TMEFF1: variants seen among roughly 807,000 people sequenced by gnomAD.
TMEFF1 encodes tomoregulin-1.
In TMEFF1, 20 loss-of-function variants were observed where a neutral mutation model predicts 47.5. The ratio of observed to expected loss-of-function variants is 0.42; its 90% CI spans 0.30 to 0.61. The LOEUF (loss-of-function observed/expected upper bound fraction) is 0.61. Ranked by LOEUF, TMEFF1 falls within the 20% of genes least tolerant of loss-of-function variation. The probability of loss-of-function intolerance (pLI) is 0.19; values close to 1 mark genes in which losing one functional copy is unlikely to be tolerated. For missense variants in TMEFF1, 411 were observed against 471.1 expected, an observed-to-expected ratio of 0.87 and a Z score of 1.18; for synonymous variants, 162 against 166.3, an observed-to-expected ratio of 0.97 and a Z score of 0.20.
At chr9:100,524,415 T>G (rs1838219063) in intron 5 of TMEFF1, among the ~76,000 whole-genome samples, 1 of 152,200 alleles carries the variant, frequency 6.6e-6, no homozygotes, top group Non-Finnish European at 1.5e-5. Flanking sequence ...GAAGACACTT[T>G]GAACAGCCTC....
At chr9:100,545,386 C>T (rs1838714000) in intron 5 of TMEFF1, among the ~76,000 whole-genome samples, 1 of 152,164 alleles carries the variant, frequency 6.6e-6, no homozygotes. Flanking sequence ...GGGCTTGTAC[C>T]CTCTGAAGCC....
At chr9:100,512,357 G>A (rs1837983940) in intron 3 of TMEFF1, among the ~76,000 whole-genome samples, 1 of 152,124 alleles carries the variant, frequency 6.6e-6, no homozygotes, top group African/African-American at 2.4e-5. Flanking sequence ...TCCTGTTTCT[G>A]TGGTATCTGG....
chr9:100,525,467 A>G (rs1218980687), intron 5 of TMEFF1, among the ~76,000 whole-genome samples: 1 of 152,036 alleles, frequency 6.6e-6, no homozygotes, highest in African/African-American at 2.4e-5. Context: ...AGAAGTACAT[A>G]AAGCAAGGTC....
At chr9:100,518,523 G>A in intron 5 of TMEFF1, 1 of 985,256 alleles carries the variant, frequency 1.0e-6, no homozygotes, top group Non-Finnish European at 1.2e-6. Flanking sequence ...CACATAGACA[G>A]TGACAAGCAG....
intron 5 of TMEFF1, among the ~76,000 whole-genome samples, chr9:100,535,566 T>C (rs1838487031): frequency 6.6e-6 from 1 of 151,986 alleles, no homozygotes; most frequent in South Asian, 2.1e-4. Context: ...GGGTCAGGAG[T>C]TGGAGACCAG....
At chr9:100,487,049 A>G (rs1438746381) in intron 1 of TMEFF1, among the ~76,000 whole-genome samples, 2 of 152,162 alleles carry the variant, frequency 1.3e-5, no homozygotes, top group Non-Finnish European at 1.5e-5. Context: ...CAGTTGATAT[A>G]TTTAGATTCT....
intron 1 of TMEFF1, among the ~76,000 whole-genome samples, chr9:100,479,416 A>G (rs1384989793): frequency 6.6e-6 from 1 of 152,234 alleles, no homozygotes; most frequent in Non-Finnish European, 1.5e-5. Context: ...AAAGGGGTAC[A>G]GTTAAGTGGA....
chr9:100,557,677 T>C (rs1011803772), intron 7 of TMEFF1, among the ~76,000 whole-genome samples: 10 of 152,156 alleles, frequency 6.6e-5, no homozygotes, highest in Non-Finnish European at 1.5e-4. Flanking sequence ...CAATTTGAAC[T>C]TCCATAGCAC....
At chr9:100,490,815 G>T (rs1251428855) in intron 1 of TMEFF1, among the ~76,000 whole-genome samples, 1 of 146,768 alleles carries the variant, frequency 6.8e-6, no homozygotes, top group African/African-American at 2.5e-5. Flanking sequence ...TTTATTCCTG[G>T]CTGGATTATC....
chr9:100,538,198 G>A (rs761322239), intron 5 of TMEFF1, among the ~76,000 whole-genome samples: 1 of 152,094 alleles, frequency 6.6e-6, no homozygotes, highest in Non-Finnish European at 1.5e-5. Context: ...GACTACAGGT[G>A]CCTGCCACCA....
At chr9:100,517,436 G>C (rs143981550) in intron 5 of TMEFF1, among the ~76,000 whole-genome samples, 2 of 152,182 alleles carry the variant, frequency 1.3e-5, no homozygotes, top group East Asian at 1.9e-4. Flanking sequence ...TTTTTGGTGT[G>C]TATTTTCCAG....
At chr9:100,533,837 G>C (rs1216989031) in intron 5 of TMEFF1, among the ~76,000 whole-genome samples, 2 of 152,086 alleles carry the variant, frequency 1.3e-5, no homozygotes, top group African/African-American at 4.8e-5. Context: ...TCCTGCCTCA[G>C]CCTCCCGAGT....
At chr9:100,497,147 A>G (rs1837664412) in intron 1 of TMEFF1, among the ~76,000 whole-genome samples, 1 of 152,092 alleles carries the variant, frequency 6.6e-6, no homozygotes, top group Non-Finnish European at 1.5e-5. Flanking sequence ...CAAGGGGGAA[A>G]GGGAAGAGAC....
intron 5 of TMEFF1, among the ~76,000 whole-genome samples, chr9:100,539,928 C>G (rs1838596423): frequency 6.6e-6 from 1 of 152,198 alleles, no homozygotes. Context: ...TTTAGCTAGA[C>G]ACAAAAGGTC....
At chr9:100,515,691 C>G (rs2118384528) in intron 4 of TMEFF1, among the ~76,000 whole-genome samples, 1 of 152,018 alleles carries the variant, frequency 6.6e-6, no homozygotes, top group Admixed American at 6.5e-5. Context: ...GAGGCTGAGG[C>G]AGGAGAATCA....
chr9:100,489,625 A>G (rs1837513907), intron 1 of TMEFF1, among the ~76,000 whole-genome samples: 4 of 152,240 alleles, frequency 2.6e-5, no homozygotes, highest in African/African-American at 9.6e-5. Flanking sequence ...CTACCGAGAG[A>G]TAACTGTGGT....
intron 5 of TMEFF1, among the ~76,000 whole-genome samples, chr9:100,545,746 A>G (rs1838721369): frequency 1.3e-5 from 2 of 152,194 alleles, no homozygotes; most frequent in South Asian, 4.1e-4. Flanking sequence ...TGCCTTTAAT[A>G]GCACCCAAGT....
chr9:100,530,094 G>C (rs1587839709), intron 5 of TMEFF1, among the ~76,000 whole-genome samples: 1 of 151,634 alleles, frequency 6.6e-6, no homozygotes, highest in African/African-American at 2.4e-5. Context: ...ATTCAAAGCA[G>C]TGTGTAGAGG....
intron 9 of TMEFF1, among the ~76,000 whole-genome samples, chr9:100,574,469 C>G (rs1415604955): frequency 6.6e-6 from 1 of 152,108 alleles, no homozygotes; most frequent in Non-Finnish European, 1.5e-5. Flanking sequence ...ATTGCAACCT[C>G]CACCTCCTGG....
Sources: gnomAD v4.1 joint callset for allele counts (sites outside exome capture counted in the v4.1 genomes callset) on GRCh38, gnomAD v4.1.1 for gene constraint, MANE v1.5 for transcripts, NCBI Gene and HGNC (gene_info 2026-07-23, HGNC 2026-07-21) for gene names.